The following SIAE variants were observed in gnomAD, a reference collection of about 807,000 sequenced individuals.
The protein encoded by SIAE is sialate O-acetylesterase.
In SIAE, 39 loss-of-function variants were observed where a neutral mutation model predicts 52.6. The ratio of observed to expected loss-of-function variants is 0.74; its 90% CI spans 0.57 to 0.97. The LOEUF (loss-of-function observed/expected upper bound fraction) is 0.97, where lower values mean the gene tolerates loss of function less well. SIAE is among the 50% of genes least tolerant of loss of function. The pLI is 0.00. For missense variants in SIAE, 592 were observed against 662.1 expected, an observed-to-expected ratio of 0.89 and a Z score of 1.16; for synonymous variants, 233 against 241.4, an observed-to-expected ratio of 0.97 and a Z score of 0.32.
intron 2 of SIAE, among the ~76,000 whole-genome samples, chr11:124,661,994 TA>T (rs1459259411): frequency 6.6e-6 from 1 of 152,162 alleles, no homozygotes; most frequent in Non-Finnish European, 1.5e-5. Context: ...AGGTGACTAA[TA>T]AAAACTCAAT....
Position 124,648,090 on chromosome 11 carries a change from G to A in SIAE, c.808C>T (p.Leu270=), listed in dbSNP as rs765793319. Residue 270 remains leucine, a synonymous_variant, in exon 6 of 10, where the codon CTG becomes TTG. Coordinates refer to ENST00000263593, the MANE Select transcript of SIAE (RefSeq NM_170601.5). ...CCCTGGTACCATACTACCCCTTTCA[G>A]AGTCATATTGCACAGTGGATGGATC... ...AMIHPLCNMT[L]KGVVWYQGES... 7.4e-6 allele frequency: 12 copies of A among 1,613,776 alleles called. No homozygotes were observed. The Middle Eastern group carries it at 4.9e-4, about 66-fold the overall frequency.
intron 3 of SIAE, chr11:124,660,276 G>C (rs1943166698): frequency 3.1e-6 from 1 of 327,294 alleles, no homozygotes; most frequent in Non-Finnish European, 5.8e-6. Context: ...GGCAACAAGA[G>C]AGAAACTCCG....
chr11:124,636,182 A>G lies in SIAE; in HGVS notation c.*769T>C, dbSNP rs1476643517. ...TACTCCCACCTGGCCCTTGCTTTTCATTCCTTAGGGCAGTCACTTAGCACC... is the reference window on the plus strand; with the variant it reads ...TACTCCCACCTGGCCCTTGCTTTTCGTTCCTTAGGGCAGTCACTTAGCACC... On this transcript the variant is annotated 3_prime_UTR_variant, in exon 10 of 10. Transcript: ENST00000263593. 1.3e-5 allele frequency: 2 copies of G among 152,182 alleles called. No homozygotes were observed. The highest frequency in any genetic ancestry group is 2.4e-5 in the African/African-American group (1 of 41,406). The allele number at this position is 152,182 out of a possible 1,614,324, so 9.4% of individuals were successfully genotyped here. A position where few individuals can be genotyped will look rare whatever the true frequency, so the allele number is the denominator to read the frequency against.
chr11:124,674,291 T>A (rs1943427524), upstream of SIAE: 1 of 152,224 alleles, frequency 6.6e-6, no homozygotes, highest in Admixed American at 6.5e-5. Context: ...TAATCCCAAT[T>A]GCTCGGGAGG....
intron 4 of SIAE, among the ~76,000 whole-genome samples, chr11:124,651,445 G>A (rs1220937273): frequency 2.6e-5 from 4 of 151,990 alleles, no homozygotes; most frequent in Non-Finnish European, 4.4e-5. Context: ...CTGCCTAGGA[G>A]GCTGAGGCAG....
At chr11:124,672,880 T>C (rs1165377081) in intron 1 of SIAE, among the ~76,000 whole-genome samples, 1 of 152,200 alleles carries the variant, frequency 6.6e-6, no homozygotes, top group East Asian at 1.9e-4. Flanking sequence ...GTCCACTCTT[T>C]GAGTGTTTTG....
intron 1 of SIAE, among the ~76,000 whole-genome samples, chr11:124,672,523 T>A (rs1168850482): frequency 6.6e-6 from 1 of 152,142 alleles, no homozygotes; most frequent in African/African-American, 2.4e-5. Flanking sequence ...AGAGTACTAA[T>A]GAATGAAAAA....
chr11:124,643,317 G>C (rs146728099), intron 7 of SIAE, among the ~76,000 whole-genome samples: 2,010 of 152,180 alleles, frequency 0.013, 26 homozygotes, highest in Non-Finnish European at 0.02. Context: ...TGTGGGCAGG[G>C]GGCACATCAT....
intron 3 of SIAE, chr11:124,660,067 A>C (rs111374501): frequency 0.08 from 13,372 of 166,712 alleles, 1,896 homozygotes; most frequent in African/African-American, 0.3. Context: ...AGGCGGGTGC[A>C]TCATCTGAGG....
upstream of SIAE, chr11:124,673,843 C>G (rs765647838): frequency 6.3e-4 from 518 of 821,408 alleles, 1 homozygote; most frequent in Non-Finnish European, 8.9e-4. Flanking sequence ...CTGGGCTGTA[C>G]TCGCCCCTTC....
In SIAE at chr11:124,636,872, A is replaced by G. The variant is rs1174398375; in HGVS notation, c.*79T>C. 1.0e-5 allele frequency: 16 copies of G among 1,591,712 alleles called. No homozygotes were observed. The highest frequency in any genetic ancestry group is 1.3e-5 in the Non-Finnish European group (15 of 1,161,678). ...TTTCTATTAATTTCCTTTAAAAGCA[A>G]TGGTTATTATTGAAACTCCTAAATG... On this transcript the variant is annotated 3_prime_UTR_variant, in exon 10 of 10. Transcript: ENST00000263593.
At chr11:124,675,445 T>C, upstream of SIAE, 1 of 1,600,096 alleles carries the variant, frequency 6.2e-7, no homozygotes, top group Non-Finnish European at 8.5e-7. Flanking sequence ...TAGTCATTTT[T>C]TAAAATAAGA....
intron 4 of SIAE, among the ~76,000 whole-genome samples, chr11:124,651,405 G>T (rs1293453696): frequency 1.3e-5 from 2 of 152,050 alleles, no homozygotes; most frequent in Non-Finnish European, 2.9e-5. Context: ...AAAATTAGCT[G>T]GGTGTGGTGG....
chr11:124,646,093 AG>A (rs1942928812), intron 7 of SIAE, among the ~76,000 whole-genome samples: 1 of 152,178 alleles, frequency 6.6e-6, no homozygotes, highest in Non-Finnish European at 1.5e-5. Flanking sequence ...CTTATGTTCT[AG>A]AAAAACCAGC....
intron 8 of SIAE, 33 bp from the exon 9 acceptor site, chr11:124,638,770 GT>G (rs748215158): frequency 6.3e-7 from 1 of 1,578,208 alleles, no homozygotes; most frequent in South Asian, 1.1e-5. Context: ...AGAACTTTGG[GT>G]TTAAGCTCAA....
At chr11:124,664,524 G>A (rs560774742) in intron 2 of SIAE, among the ~76,000 whole-genome samples, 35 of 152,180 alleles carry the variant, frequency 2.3e-4, no homozygotes, top group African/African-American at 7.7e-4. Context: ...ATGAGCTACC[G>A]CATCCGGCCT....
At chr11:124,662,007 C>A (rs1943193047) in intron 2 of SIAE, among the ~76,000 whole-genome samples, 1 of 152,148 alleles carries the variant, frequency 6.6e-6, no homozygotes, top group Non-Finnish European at 1.5e-5. Flanking sequence ...AAACTCAATT[C>A]ATAAAGGATT....
In SIAE at chr11:124,634,837, G is replaced by T. The variant is rs1311000584; in HGVS notation, c.*2114C>A. The T allele has an allele frequency of 6.6e-6, 1 of 152,092 alleles. No homozygotes were observed. The highest frequency in any genetic ancestry group is 1.5e-5 in the Non-Finnish European group (1 of 68,020). The allele number at this position is 152,092 out of a possible 1,614,324, so 9.4% of individuals were successfully genotyped here. On this transcript the variant is annotated 3_prime_UTR_variant, in exon 10 of 10. Coordinates refer to ENST00000263593, the MANE Select transcript of SIAE (RefSeq NM_170601.5). ...ATTATATAACTCAAGTCAAGTGAAT[G>T]GTTCAGCAAAATAGTGTTTCTCTGA...
intron 3 of SIAE, among the ~76,000 whole-genome samples, chr11:124,658,123 T>A (rs934351662): frequency 2.6e-5 from 4 of 152,188 alleles, no homozygotes; most frequent in African/African-American, 9.7e-5. Flanking sequence ...GTTCATTTTG[T>A]AACCTTTATA....
Sources: gnomAD v4.1 joint callset for allele counts (sites outside exome capture counted in the v4.1 genomes callset) on GRCh38, gnomAD v4.1.1 for gene constraint, MANE v1.5 for transcripts, NCBI Gene and HGNC (gene_info 2026-07-23, HGNC 2026-07-21) for gene names.